Variants in DEFB119 observed in about 807,000 individuals in gnomAD.
DEFB119 encodes the protein defensin beta 119.
A neutral mutation model predicts 2.5 loss-of-function variants in DEFB119; 3 were observed. The observed-to-expected ratio is 1.19, with a 90% CI of 0.54 to 3.07. The LOEUF (loss-of-function observed/expected upper bound fraction) is 3.07, where lower values mean the gene tolerates loss of function less well. Ranked by LOEUF, DEFB119 falls within the 30% of genes most tolerant of loss-of-function variation. DEFB119 has a pLI of 0.03. For synonymous variants in DEFB119, 29 were observed against 33.7 expected, an observed-to-expected ratio of 0.86 and a Z score of 0.48; for missense variants, 113 against 101.1, an observed-to-expected ratio of 1.12 and a Z score of -0.50.
rs1355550179 is a variant in DEFB119 at position 31,387,674 on chromosome 20, C to T, written c.61+2749G>A. Among the ~76,000 whole-genome samples the T allele has an allele frequency of 2.6e-5, 4 of 152,140 alleles. No homozygotes were observed. The East Asian group carries it at 5.8e-4, about 22-fold the overall frequency. On this transcript the variant is annotated intron_variant, in intron 1 of 1. Coordinates refer to ENST00000376321, the MANE Select transcript of DEFB119 (RefSeq NM_153289.4). The stretch of plus-strand genomic sequence containing the variant: ...CTTGATGCTTCTCCTGCCTAGGGGT[C>T]GGCACCCAGTGGGCCCCACCCTCCA...
At chr20:31,388,435 G>C (rs964027707) in intron 1 of DEFB119, 2 of 461,414 alleles carry the variant, frequency 4.3e-6, no homozygotes, top group Non-Finnish European at 5.7e-6. Context: ...TGCAGAGTCT[G>C]CCAGTAGTAA....
In DEFB119 at chr20:31,390,483, TG is replaced by T. The variant is rs774745321; in HGVS notation, c.-1del. On this transcript the variant is annotated 5_prime_UTR_variant, in exon 1 of 2. Coordinates refer to ENST00000376321, the MANE Select transcript of DEFB119 (RefSeq NM_153289.4). ...GCAAGAAACAGGTAAAGAAGTTTCA[TG>T]GCTGGCAGACCTGAGAGGAGGAGGT... 30 of 1,612,902 alleles carry T rather than the reference TG, an allele frequency of 1.9e-5. No individual in the cohort carries two copies. In the African/African-American group the frequency reaches 3.6e-4, roughly 19 times the overall value.
At chr20:31,386,278 G>A (rs115093819) in intron 1 of DEFB119, among the ~76,000 whole-genome samples, 464 of 152,246 alleles carry the variant, frequency 3.0e-3, no homozygotes, top group African/African-American at 0.01. Flanking sequence ...ACCATTTTTG[G>A]TGTTCTCACC....
intron 1 of DEFB119, among the ~76,000 whole-genome samples, chr20:31,382,155 A>G (rs1986527828): frequency 6.6e-6 from 1 of 152,218 alleles, no homozygotes; most frequent in Non-Finnish European, 1.5e-5. Flanking sequence ...ACAGTTATAT[A>G]AAATCTAAGC....
At chr20:31,390,307 C>A in intron 1 of DEFB119, 116 bp downstream of exon 1, 5 of 975,832 alleles carry the variant, frequency 5.1e-6, no homozygotes, top group Non-Finnish European at 4.8e-6. Context: ...CTGGGCAAAC[C>A]TCCCGAAGCT....
At chr20:31,385,004 A>G (rs1463639391) in intron 1 of DEFB119, among the ~76,000 whole-genome samples, 1 of 152,234 alleles carries the variant, frequency 6.6e-6, no homozygotes, top group Non-Finnish European at 1.5e-5. Flanking sequence ...GAAAACTGAA[A>G]AAAATAAGCT....
intron 1 of DEFB119, among the ~76,000 whole-genome samples, chr20:31,384,580 G>A (rs1986621089): frequency 6.6e-6 from 1 of 152,168 alleles, no homozygotes; most frequent in Non-Finnish European, 1.5e-5. Context: ...TCAAATCATA[G>A]TGGATGAGAG....
chr20:31,385,374 C>CAAAAAAAAAAAAAAAAAAAAAA (rs539118665), intron 1 of DEFB119, among the ~76,000 whole-genome samples: 1 of 115,802 alleles, frequency 8.6e-6, no homozygotes, highest in Non-Finnish European at 1.7e-5. Context: ...TAACAAAAGA[C>CAAAAAAAAAAAAAAAAAAAAAA]AAAAAAAAAA....
intron 1 of DEFB119, among the ~76,000 whole-genome samples, chr20:31,389,436 G>A (rs1307292911): frequency 6.6e-6 from 1 of 152,108 alleles, no homozygotes; most frequent in African/African-American, 2.4e-5. Flanking sequence ...GAGCTCCGAA[G>A]TTTTTGGGAG....
chr20:31,387,006 A>G (rs1986732117), intron 1 of DEFB119, among the ~76,000 whole-genome samples: 2 of 151,894 alleles, frequency 1.3e-5, no homozygotes, highest in South Asian at 4.1e-4. Flanking sequence ...GGGTTTCACC[A>G]TGTTGATCAG....
At chr20:31,388,101 A>G in intron 1 of DEFB119, 1 of 985,404 alleles carries the variant, frequency 1.0e-6, no homozygotes, top group African/African-American at 1.7e-5. Flanking sequence ...ATAGGACTTG[A>G]GAATAAAGTC....
At chr20:31,389,174 T>A in intron 1 of DEFB119, 2 of 1,614,204 alleles carry the variant, frequency 1.2e-6, no homozygotes, top group Non-Finnish European at 1.7e-6. Flanking sequence ...CAGCGTATGA[T>A]GCTGTCTTCA....
At chr20:31,378,950 T>C (rs1986403259) in intron 1 of DEFB119, among the ~76,000 whole-genome samples, 1 of 152,068 alleles carries the variant, frequency 6.6e-6, no homozygotes, top group South Asian at 2.1e-4. Context: ...ACTTTTTTTT[T>C]TTTTTTTAGA....
At chr20:31,380,928 G>A (rs1327343058) in intron 1 of DEFB119, among the ~76,000 whole-genome samples, 1 of 151,944 alleles carries the variant, frequency 6.6e-6, no homozygotes, top group Non-Finnish European at 1.5e-5. Flanking sequence ...TTCTCTTCAG[G>A]CAGGGTATAG....
chr20:31,386,295 C>T (rs546976331), intron 1 of DEFB119, among the ~76,000 whole-genome samples: 1 of 152,102 alleles, frequency 6.6e-6, no homozygotes, highest in Non-Finnish European at 1.5e-5. Context: ...CACCCCGGGC[C>T]TCGGGGCACA....
chr20:31,390,240 A>G (rs1008706788), intron 1 of DEFB119, among the ~76,000 whole-genome samples, 183 bp downstream of exon 1: 6 of 152,034 alleles, frequency 3.9e-5, no homozygotes, highest in Non-Finnish European at 8.8e-5. Context: ...CCAAACATCT[A>G]TCATCCCACC....
intron 1 of DEFB119, chr20:31,389,333 A>G: frequency 6.6e-7 from 1 of 1,503,896 alleles, no homozygotes; most frequent in Non-Finnish European, 9.1e-7. Flanking sequence ...GAAGAGAAGA[A>G]AGCCAGCTGA....
chr20:31,389,011 A>C, intron 1 of DEFB119: 2 of 1,613,862 alleles, frequency 1.2e-6, no homozygotes, highest in South Asian at 2.2e-5. Context: ...AAGCAACCTG[A>C]AACAAAGTCA....
chr20:31,389,278 G>A lies in DEFB119; in HGVS notation c.61+1145C>T, dbSNP rs766685958. ...TTAAGCAGATGTTAGTATCCCTCAA[G>A]CGGAGAGAAAAGACAAGGCAGAGGA... On this transcript the variant is annotated intron_variant, in intron 1 of 1. Coordinates refer to ENST00000376321, the MANE Select transcript of DEFB119 (RefSeq NM_153289.4). 3.2e-5 allele frequency: 52 copies of A among 1,610,814 alleles called. 1 individual carries two copies. Among genetic ancestry groups the A allele is most frequent in the Non-Finnish European group, 1.6e-5 (19 of 1,177,504 alleles).
Sources: allele counts gnomAD v4.1 joint callset (sites outside exome capture counted in the v4.1 genomes callset), GRCh38; gene constraint gnomAD v4.1.1; transcripts MANE v1.5; gene names NCBI Gene and HGNC (gene_info 2026-07-23, HGNC 2026-07-21).